The following AUTS2 variants were observed in gnomAD, a reference collection of about 807,000 sequenced individuals.
AUTS2 encodes activator of transcription and developmental regulator AUTS2, also known as autism susceptibility gene 2 protein.
Under a neutral mutation model 112.4 loss-of-function variants are expected in AUTS2, and 17 were observed. The ratio of observed to expected loss-of-function variants is 0.15; its 90% CI spans 0.10 to 0.23. The LOEUF (loss-of-function observed/expected upper bound fraction) is 0.23, where lower values mean the gene tolerates loss of function less well. AUTS2 is among the 10% of genes least tolerant of loss of function. AUTS2 has a pLI of 1.00. For missense variants in AUTS2, 1,510 were observed against 1,701.6 expected (o/e 0.89, Z 1.98); for synonymous variants, 751 against 702.7 (o/e 1.07, Z -1.09).
chr7:70,221,392 G>T (rs1811479024), intron 4 of AUTS2, among the ~76,000 whole-genome samples: 1 of 151,926 alleles, frequency 6.6e-6, no homozygotes, highest in South Asian at 2.1e-4. Flanking sequence ...ACAATTAATC[G>T]TACCAACATT....
intron 5 of AUTS2, among the ~76,000 whole-genome samples, chr7:70,640,593 G>T (rs913763188): frequency 6.9e-6 from 1 of 144,818 alleles, no homozygotes; most frequent in Non-Finnish European, 1.5e-5. Context: ...GTGTGTGTGT[G>T]TAAGTGTGTA....
At chr7:69,923,847 A>G (rs997020076) in intron 2 of AUTS2, among the ~76,000 whole-genome samples, 2 of 151,976 alleles carry the variant, frequency 1.3e-5, no homozygotes, top group Non-Finnish European at 2.9e-5. Flanking sequence ...TTTTTTTTGT[A>G]GGTCTTACTG....
chr7:70,781,424 G>A (rs1791070408), intron 14 of AUTS2, 191 bp from the exon 15 acceptor site: 2 of 542,244 alleles, frequency 3.7e-6, no homozygotes, highest in African/African-American at 2.0e-5. Context: ...CATTTCTGGT[G>A]TAACAGGCAC....
intron 5 of AUTS2, among the ~76,000 whole-genome samples, chr7:70,600,021 C>T (rs1803395168): frequency 6.6e-6 from 1 of 152,206 alleles, no homozygotes; most frequent in African/African-American, 2.4e-5. Context: ...TAGAGATGCA[C>T]ATTCCTGAGC....
At chr7:70,489,487 G>A (rs1173452269) in intron 5 of AUTS2, among the ~76,000 whole-genome samples, 2 of 152,202 alleles carry the variant, frequency 1.3e-5, no homozygotes, top group Non-Finnish European at 2.9e-5. Flanking sequence ...CCCCCAGAAT[G>A]TGTCAACCTA....
intron 4 of AUTS2, among the ~76,000 whole-genome samples, chr7:70,144,676 C>T (rs897916102): frequency 6.6e-6 from 1 of 151,972 alleles, no homozygotes; most frequent in African/African-American, 2.4e-5. Flanking sequence ...ATCACCTTAC[C>T]CAATCACCAA....
intron 5 of AUTS2, among the ~76,000 whole-genome samples, chr7:70,455,298 G>A (rs532900606): frequency 1.2e-4 from 18 of 152,286 alleles, no homozygotes; most frequent in African/African-American, 4.3e-4. Context: ...TGTGCTTGTG[G>A]TGGGGCCTGG....
chr7:70,218,403 G>A (rs542874931), intron 4 of AUTS2, among the ~76,000 whole-genome samples: 54 of 152,196 alleles, frequency 3.5e-4, no homozygotes, highest in African/African-American at 1.2e-3. Context: ...CCTCTGATGC[G>A]GTAACAAGGA....
chr7:70,774,928 A>G (rs1790591662), intron 12 of AUTS2: 1 of 176,474 alleles, frequency 5.7e-6, no homozygotes, highest in African/African-American at 2.4e-5. Flanking sequence ...ATTGGTAAAG[A>G]GAGCCTAATT....
chr7:69,931,995 C>G (rs946822500), intron 2 of AUTS2, among the ~76,000 whole-genome samples: 15 of 152,088 alleles, frequency 9.9e-5, no homozygotes, highest in African/African-American at 3.4e-4. Flanking sequence ...AAATATGTTT[C>G]CTCTCCGAAC....
At chr7:69,771,182 A>G (rs974311446) in intron 1 of AUTS2, among the ~76,000 whole-genome samples, 4 of 152,170 alleles carry the variant, frequency 2.6e-5, no homozygotes, top group African/African-American at 9.7e-5. Flanking sequence ...CCTAAAACCT[A>G]CCAAAGCACC....
chr7:70,556,123 G>A (rs1375974184), intron 5 of AUTS2, among the ~76,000 whole-genome samples: 1 of 152,094 alleles, frequency 6.6e-6, no homozygotes, highest in Non-Finnish European at 1.5e-5. Flanking sequence ...TTCTAATCAT[G>A]GCAGAAGGCA....
intron 4 of AUTS2, among the ~76,000 whole-genome samples, chr7:70,365,027 G>A (rs971489407): frequency 2.0e-5 from 3 of 152,134 alleles, no homozygotes; most frequent in Admixed American, 6.5e-5. Flanking sequence ...ATATGTAAAT[G>A]GAGAAAGGTA....
At chr7:70,439,557 AAAAAG>A (rs1272713435) in intron 5 of AUTS2, among the ~76,000 whole-genome samples, 4 of 145,830 alleles carry the variant, frequency 2.7e-5, no homozygotes, top group Admixed American at 6.8e-5. Flanking sequence ...AAAAAAAAAA[AAAAAG>A]ATAGAAATTG....
intron 2 of AUTS2, among the ~76,000 whole-genome samples, chr7:69,939,292 T>G (rs1315619329): frequency 6.6e-6 from 1 of 152,222 alleles, no homozygotes; most frequent in Non-Finnish European, 1.5e-5. Flanking sequence ...CTTTGCCTTA[T>G]AGAAATATTT....
At chr7:70,338,969 T>A (rs1027981840) in intron 4 of AUTS2, among the ~76,000 whole-genome samples, 6 of 151,650 alleles carry the variant, frequency 4.0e-5, no homozygotes, top group Non-Finnish European at 8.8e-5. Flanking sequence ...TTCACGCCAT[T>A]CTCCTGCCTC....
intron 2 of AUTS2, among the ~76,000 whole-genome samples, chr7:70,008,822 G>T (rs901510842): frequency 4.6e-5 from 7 of 152,048 alleles, no homozygotes; most frequent in Non-Finnish European, 8.8e-5. Flanking sequence ...ATATAAACAT[G>T]ATTTAAAGTA....
chr7:69,964,525 T>C (rs1243996276), intron 2 of AUTS2, among the ~76,000 whole-genome samples: 4 of 152,190 alleles, frequency 2.6e-5, no homozygotes, highest in Non-Finnish European at 4.4e-5. Flanking sequence ...GAATTTGTTA[T>C]CTCTTTTTGC....
intron 5 of AUTS2, among the ~76,000 whole-genome samples, chr7:70,697,789 A>G (rs915175105): frequency 6.6e-6 from 1 of 152,210 alleles, no homozygotes; most frequent in East Asian, 1.9e-4. Context: ...TTCAAGTTCT[A>G]GAAATATTCA....
Sources: allele counts gnomAD v4.1 joint callset (sites outside exome capture counted in the v4.1 genomes callset), GRCh38; gene constraint gnomAD v4.1.1; transcripts MANE v1.5; gene names NCBI Gene and HGNC (gene_info 2026-07-23, HGNC 2026-07-21).